UNC13C: variants seen among roughly 807,000 people sequenced by gnomAD.
UNC13C encodes protein unc-13 homolog C.
A neutral mutation model predicts 245.4 loss-of-function variants in UNC13C; 174 were observed. That is an observed-to-expected ratio of 0.71 (90% CI 0.63 to 0.80). The LOEUF (loss-of-function observed/expected upper bound fraction) is 0.80, where lower values mean the gene tolerates loss of function less well. Ranked by LOEUF, UNC13C falls within the 30% of genes least tolerant of loss-of-function variation. The pLI is 0.00. For synonymous variants in UNC13C, 992 were observed against 895.1 expected, an observed-to-expected ratio of 1.11 and a Z score of -1.93; for missense variants, 2,829 against 2,602.9, an observed-to-expected ratio of 1.09 and a Z score of -1.89.
chr15:54,580,554 T>C (rs1898154327), intron 30 of UNC13C, among the ~76,000 whole-genome samples: 1 of 152,312 alleles, frequency 6.6e-6, no homozygotes, highest in Non-Finnish European at 1.5e-5. Context: ...TCACTTATCC[T>C]CTCTAAGCCT....
At chr15:54,250,792 T>C (rs566125628) in intron 8 of UNC13C, among the ~76,000 whole-genome samples, 2 of 140,938 alleles carry the variant, frequency 1.4e-5, no homozygotes, top group Admixed American at 1.5e-4. Context: ...AGTCTCACTC[T>C]GTCGCCCCAG....
chr15:53,925,760 G>A, the UNC13C span, among the ~76,000 whole-genome samples: 2 of 152,300 alleles, frequency 1.3e-5, no homozygotes, highest in South Asian at 4.2e-4. Flanking sequence ...AGTGACACTA[G>A]CTCGCAGCCT....
the UNC13C span, among the ~76,000 whole-genome samples, chr15:53,869,524 A>G: frequency 6.6e-6 from 1 of 152,328 alleles, no homozygotes; most frequent in East Asian, 1.9e-4. Flanking sequence ...AACTCCTTGA[A>G]AACAGTTAAT....
At chr15:54,408,875 T>A (rs909032881) in intron 18 of UNC13C, among the ~76,000 whole-genome samples, 28 of 152,348 alleles carry the variant, frequency 1.8e-4, no homozygotes, top group African/African-American at 6.7e-4. Context: ...CTGAGAGACA[T>A]CTATTCATGT....
intron 19 of UNC13C, among the ~76,000 whole-genome samples, chr15:54,487,847 C>A (rs1257195494): frequency 6.7e-6 from 1 of 150,142 alleles, no homozygotes; most frequent in Non-Finnish European, 1.5e-5. Flanking sequence ...ACTAATCTTT[C>A]CTTTTTTCCT....
chr15:54,252,960 C>T (rs1289499899), intron 8 of UNC13C, among the ~76,000 whole-genome samples: 1 of 152,152 alleles, frequency 6.6e-6, no homozygotes, highest in Non-Finnish European at 1.5e-5. Flanking sequence ...CCATATCTTA[C>T]TTCTGGTGAA....
At chr15:54,434,633 A>G (rs780972204) in intron 19 of UNC13C, among the ~76,000 whole-genome samples, 4 of 152,130 alleles carry the variant, frequency 2.6e-5, no homozygotes, top group Non-Finnish European at 5.9e-5. Context: ...TAAAAACCCT[A>G]GAAGAAAACG....
chr15:54,292,170 A>G lies in UNC13C; in HGVS notation c.3819-1725A>G, dbSNP rs146382424. ...AAACCTTCTTTGATTAGTGATTGAC[A>G]TGCTAGTTCCTTTCCAGGACATTTC... On this transcript the variant is annotated intron_variant, in intron 10 of 32. Transcript: ENST00000260323. Among the ~76,000 whole-genome samples, 1,341 of 152,150 alleles carry G rather than the reference A, an allele frequency of 8.8e-3. 24 individuals are homozygous for G. The highest frequency in any genetic ancestry group is 0.031 in the African/African-American group (1,300 of 41,568).
intron 2 of UNC13C, among the ~76,000 whole-genome samples, chr15:54,099,977 A>G (rs1198185705): frequency 1.3e-5 from 2 of 151,784 alleles, no homozygotes; most frequent in Non-Finnish European, 2.9e-5. Context: ...GTGGGCACCT[A>G]TAATCCCAGC....
At chr15:54,549,801 G>A (rs965118557) in intron 28 of UNC13C, 110 bp downstream of exon 28, 2 of 675,324 alleles carry the variant, frequency 3.0e-6, no homozygotes. Flanking sequence ...TTAAGAAGAT[G>A]TGTGTGTGAT....
chr15:54,605,797 C>T (rs575559579), intron 30 of UNC13C, among the ~76,000 whole-genome samples: 2 of 152,326 alleles, frequency 1.3e-5, no homozygotes, highest in South Asian at 4.1e-4. Context: ...CGCTTAAATG[C>T]TTTGCGAGCA....
chr15:54,614,194 G>A (rs1900279847), intron 30 of UNC13C, among the ~76,000 whole-genome samples: 1 of 151,834 alleles, frequency 6.6e-6, no homozygotes, highest in Non-Finnish European at 1.5e-5. Context: ...TTTCTTTCTA[G>A]TGTTAATATT....
the UNC13C span, among the ~76,000 whole-genome samples, chr15:53,945,844 G>C: frequency 6.6e-6 from 1 of 152,096 alleles, no homozygotes. Flanking sequence ...GGGCAGTATG[G>C]TCATTTTAAT....
At chr15:54,137,366 C>G (rs8024250) in intron 2 of UNC13C, among the ~76,000 whole-genome samples, 149,959 of 152,228 alleles carry the variant, frequency 0.99, 73,910 homozygotes, top group Middle Eastern at 1. Flanking sequence ...ATAAAGTGAG[C>G]TGTAAGTATT....
chr15:54,478,085 G>A (rs1892876824), intron 19 of UNC13C, among the ~76,000 whole-genome samples: 1 of 151,834 alleles, frequency 6.6e-6, no homozygotes, highest in African/African-American at 2.4e-5. Flanking sequence ...AGATTTTCTA[G>A]TTTATTTGCG....
the UNC13C span, among the ~76,000 whole-genome samples, chr15:53,933,369 A>G: frequency 6.6e-6 from 1 of 152,196 alleles, no homozygotes; most frequent in Non-Finnish European, 1.5e-5. Flanking sequence ...ATACATATAT[A>G]TATCTTAAAA....
chr15:53,977,618 C>G (rs1480663834), upstream of UNC13C, among the ~76,000 whole-genome samples: 1 of 152,144 alleles, frequency 6.6e-6, no homozygotes, highest in Non-Finnish European at 1.5e-5. Flanking sequence ...CAAATTATTT[C>G]AGGCCTCAAG....
rs1279207195 is a variant in UNC13C, at chr15:54,013,943, G to GT, written c.1045dup (p.Ser349PhefsTer8). On this transcript the variant is annotated frameshift_variant, in exon 2 of 33. Coordinates refer to ENST00000260323, the MANE Select transcript of UNC13C (RefSeq NM_001080534.3). LOFTEE classifies it high-confidence loss of function. ...TACCAAATTCTAATAGATAAAATGG[G>GT]TTTTTCAGATGCACCAAATGCTATT... 1.2e-6 allele frequency: 2 copies of GT among 1,613,360 alleles called. No individual in the cohort carries two copies.
intron 19 of UNC13C, among the ~76,000 whole-genome samples, chr15:54,456,958 G>A (rs114221680): frequency 0.022 from 3,343 of 152,136 alleles, 115 homozygotes; most frequent in African/African-American, 0.077. Context: ...TCTAGTTCCA[G>A]TTCTCAGATG....
Sources: allele counts gnomAD v4.1 joint callset (sites outside exome capture counted in the v4.1 genomes callset), GRCh38; gene constraint gnomAD v4.1.1; transcripts MANE v1.5; gene names NCBI Gene and HGNC (gene_info 2026-07-23, HGNC 2026-07-21).